C1orf52: variants seen among roughly 807,000 people sequenced by gnomAD.
The protein encoded by C1orf52 is chromosome 1 open reading frame 52, also known as UPF0690 protein C1orf52.
In C1orf52, 5 loss-of-function variants were observed where a neutral mutation model predicts 17.2. The observed-to-expected ratio is 0.29, with a 90% CI of 0.15 to 0.61. The LOEUF (loss-of-function observed/expected upper bound fraction) is 0.61. Ranked by LOEUF, C1orf52 falls within the 20% of genes least tolerant of loss-of-function variation. The pLI, the probability that C1orf52 is intolerant of heterozygous loss-of-function variation, is 0.85. For synonymous variants in C1orf52, 110 were observed against 88.0 expected, an observed-to-expected ratio of 1.25 and a Z score of -1.40; for missense variants, 245 against 234.1, an observed-to-expected ratio of 1.05 and a Z score of -0.30.
chr1:85,259,271 G>C (rs1365459985), intron 1 of C1orf52, 87 bp downstream of exon 1: 2 of 1,445,964 alleles, frequency 1.4e-6, no homozygotes, highest in Non-Finnish European at 1.9e-6. Context: ...CGTGTGGGGG[G>C]ATGGACAGCA....
At chr1:85,258,865 A>G (rs1570321488) in intron 1 of C1orf52, 143 bp from the exon 2 acceptor site, 2 of 1,427,684 alleles carry the variant, frequency 1.4e-6, no homozygotes, top group East Asian at 5.0e-5. Flanking sequence ...TTTTCCATCA[A>G]AATCACAATA....
Position 85,250,520 on chromosome 1 carries a change from A to G in C1orf52, c.*2109T>C, listed in dbSNP as rs948816035. The G allele has an allele frequency of 1.3e-5, 2 of 152,182 alleles. No homozygotes were observed. The highest frequency in any genetic ancestry group is 4.1e-4 in the South Asian group (2 of 4,832). 9.4% of individuals were successfully genotyped at this position (152,182 alleles called of 1,614,324 possible). Reference sequence around the variant, plus strand: ...TTCTCTAATGTGATGATGAATGTAGAGTGATATGACAGTCCGTTTTCCAAC... The same window carrying G: ...TTCTCTAATGTGATGATGAATGTAGGGTGATATGACAGTCCGTTTTCCAAC... On this transcript the variant is annotated 3_prime_UTR_variant, in exon 3 of 3. Transcript: ENST00000471115.
In C1orf52 at chr1:85,259,553, A is replaced by G. The variant is rs1009075144; in HGVS notation, c.81T>C (p.Asp27=). Residue 27 remains aspartate, a synonymous_variant, in exon 1 of 3, where the codon GAT becomes GAC. Coordinates refer to ENST00000471115, the MANE Select transcript of C1orf52 (RefSeq NM_198077.4). ...GACTCGTCTCCTCCGGCTCGATGTT[A>G]TCCTCCTCGTCCGAGGAGCCTGAGC... ...SSSSGSSDEE[D]NIEPEETSRR... The G allele has an allele frequency of 1.2e-6, 2 of 1,613,488 alleles. No homozygotes were observed. Among genetic ancestry groups the G allele is most frequent in the African/African-American group, 2.7e-5 (2 of 74,982 alleles).
At chr1:85,252,755 G>T in intron 2 of C1orf52, 53 bp from the exon 3 acceptor site, 1 of 1,313,212 alleles carries the variant, frequency 7.6e-7, no homozygotes, top group Non-Finnish European at 1.1e-6. Context: ...AACCCAACAT[G>T]TTAAGCATTA....
chr1:85,259,565 C>A lies in C1orf52; in HGVS notation c.69G>T (p.Ser23=). Residue 23 remains serine (S), a synonymous_variant, in exon 1 of 3, where the codon TCG becomes TCT. Transcript: ENST00000471115. Reference sequence around the variant, plus strand: ...CCGGCTCGATGTTATCCTCCTCGTCCGAGGAGCCTGAGCTGCTGCTCCCGT... The same window carrying A: ...CCGGCTCGATGTTATCCTCCTCGTCAGAGGAGCCTGAGCTGCTGCTCCCGT... ...AAYGSSSSGS[S]DEEDNIEPEE... 6.2e-7 allele frequency: 1 copy of A among 1,612,096 alleles called. No homozygotes were observed. The highest frequency in any genetic ancestry group is 8.5e-7 in the Non-Finnish European group (1 of 1,179,306).
In C1orf52 at chr1:85,252,365, G is replaced by A; in HGVS notation, c.*264C>T. The A allele has an allele frequency of 2.4e-6, 1 of 412,610 alleles. No homozygotes were observed. The highest frequency in any genetic ancestry group is 4.3e-6 in the Non-Finnish European group (1 of 231,520). 25.6% of individuals were successfully genotyped at this position (412,610 alleles called of 1,614,324 possible). Reference sequence around the variant, plus strand: ...GTCAACATGTGACAAAACTCTCAAAGCATGTCACCAATTCTGTGAGAGCAA... The same window carrying A: ...GTCAACATGTGACAAAACTCTCAAAACATGTCACCAATTCTGTGAGAGCAA... On this transcript the variant is annotated 3_prime_UTR_variant, in exon 3 of 3. Coordinates refer to ENST00000471115, the MANE Select transcript of C1orf52 (RefSeq NM_198077.4).
chr1:85,254,525 G>A (rs1659880275), intron 2 of C1orf52, among the ~76,000 whole-genome samples: 1 of 151,960 alleles, frequency 6.6e-6, no homozygotes, highest in Non-Finnish European at 1.5e-5. Flanking sequence ...CCAAGCAGCT[G>A]GGACTACAGG....
intron 2 of C1orf52, among the ~76,000 whole-genome samples, chr1:85,254,679 C>A (rs930843263): frequency 4.6e-5 from 7 of 152,346 alleles, no homozygotes; most frequent in Middle Eastern, 3.4e-3. Flanking sequence ...GCGTGAGCCA[C>A]CGCACCCGGC....
chr1:85,256,133 C>T (rs1314474093), intron 2 of C1orf52, among the ~76,000 whole-genome samples: 1 of 152,182 alleles, frequency 6.6e-6, no homozygotes, highest in Non-Finnish European at 1.5e-5. Context: ...CTATATCTCA[C>T]TGTTGAGAAA....
chr1:85,258,521 T>G lies in C1orf52; in HGVS notation c.475+3A>C. 1.2e-6 allele frequency: 2 copies of G among 1,612,176 alleles called. No homozygotes were observed. Among genetic ancestry groups the G allele is most frequent in the Non-Finnish European group, 1.7e-6 (2 of 1,178,864 alleles). On this transcript the variant is annotated splice_donor_region_variant and intron_variant, in intron 2 of 2. Coordinates refer to ENST00000471115, the MANE Select transcript of C1orf52 (RefSeq NM_198077.4). ...ACCACCATCGGATTCTGACTTTCCT[T>G]ACCTGATTCCAACGTCTCCTCCCCT... is the stretch of plus-strand genomic sequence containing the variant.
At position 85,250,633 on chromosome 1, in the gene C1orf52, T is replaced by C. The variant is rs1433393061; in HGVS notation, c.*1996A>G. The C allele has an allele frequency of 2.6e-5, 4 of 152,242 alleles. No individual in the cohort carries two copies. In the East Asian group the frequency reaches 5.8e-4, roughly 22 times the overall value. 9.4% of individuals were successfully genotyped at this position (152,242 alleles called of 1,614,324 possible). A position where few individuals can be genotyped will look rare whatever the true frequency, so the allele number is the denominator to read the frequency against. On this transcript the variant is annotated 3_prime_UTR_variant, in exon 3 of 3. Coordinates refer to ENST00000471115, the MANE Select transcript of C1orf52 (RefSeq NM_198077.4). ...GTCTTCCTCCTCATACAACATACTC[T>C]GCACATCTCCCAGGAAAGAGAGAAA...
At chr1:85,256,144 T>C (rs1468894581) in intron 2 of C1orf52, among the ~76,000 whole-genome samples, 2 of 152,224 alleles carry the variant, frequency 1.3e-5, no homozygotes, top group Non-Finnish European at 2.9e-5. Context: ...TGTTGAGAAA[T>C]GGCTATTCAT....
intron 2 of C1orf52, among the ~76,000 whole-genome samples, chr1:85,257,217 T>A (rs1174298237): frequency 6.6e-6 from 1 of 152,226 alleles, no homozygotes; most frequent in Admixed American, 6.5e-5. Flanking sequence ...GAGGAACTCA[T>A]CATAAAGCAG....
rs1449009602 is a variant in C1orf52, at chr1:85,250,906, T to G, written c.*1723A>C. On this transcript the variant is annotated 3_prime_UTR_variant, in exon 3 of 3. Transcript: ENST00000471115. ...AAATTCATTACAAAGACTACAATCT[T>G]AAAAAAACATATTCTTGCTTTAGCA... 1 of 152,212 alleles carries G rather than the reference T, an allele frequency of 6.6e-6. No individual in the cohort carries two copies. Among genetic ancestry groups the G allele is most frequent in the Non-Finnish European group, 1.5e-5 (1 of 68,028 alleles). The allele number at this position is 152,212 out of a possible 1,614,324, so 9.4% of individuals were successfully genotyped here.
At chr1:85,255,467 T>C (rs925332538) in intron 2 of C1orf52, among the ~76,000 whole-genome samples, 5 of 151,806 alleles carry the variant, frequency 3.3e-5, no homozygotes, top group Non-Finnish European at 5.9e-5. Flanking sequence ...GGAGAATCGC[T>C]TGAACCCGGG....
chr1:85,256,464 G>A (rs1266333891), intron 2 of C1orf52, among the ~76,000 whole-genome samples: 1 of 152,166 alleles, frequency 6.6e-6, no homozygotes, highest in Non-Finnish European at 1.5e-5. Flanking sequence ...TTCACAAGGT[G>A]TTGTAATAAA....
chr1:85,259,387 C>G lies in C1orf52; in HGVS notation c.247G>C (p.Glu83Gln). Residue 83 changes from glutamate (E) to glutamine (Q), a missense_variant, in exon 1 of 3, where the codon GAG becomes CAG. By Grantham distance (29) the Glu-to-Gln change is conservative (BLOSUM62 2). Transcript: ENST00000471115. The stretch of plus-strand genomic sequence containing the variant: ...TCAGGCGCCTTGACGACGTGCCTCT[C>G]CCAGTCTATCTGTTTGTTGAGCGGA... ...YNPLNKQIDWERHVVKAPEEP... is the reference protein window; with the variant it reads ...YNPLNKQIDWQRHVVKAPEEP... 6.2e-7 allele frequency: 1 copy of G among 1,613,758 alleles called. No homozygotes were observed.
chr1:85,257,409 G>GCAA, intron 2 of C1orf52: 1 of 713,684 alleles, frequency 1.4e-6, no homozygotes, highest in South Asian at 1.5e-5. Context: ...AGAATAAGGT[G>GCAA]CAACGTATAC....
chr1:85,254,022 C>G (rs1238552112), intron 2 of C1orf52, among the ~76,000 whole-genome samples: 6 of 152,092 alleles, frequency 3.9e-5, no homozygotes, highest in Non-Finnish European at 8.8e-5. Context: ...TTGAAAGGAG[C>G]CTTCATTATT....
Sources: allele counts gnomAD v4.1 joint callset (sites outside exome capture counted in the v4.1 genomes callset), GRCh38; gene constraint gnomAD v4.1.1; transcripts MANE v1.5; gene names NCBI Gene and HGNC (gene_info 2026-07-23, HGNC 2026-07-21).